The following TADA3 variants were observed in gnomAD, a reference collection of about 807,000 sequenced individuals.
The protein encoded by TADA3 is transcriptional adapter 3.
Under a neutral mutation model 43.2 loss-of-function variants are expected in TADA3, and 25 were observed. The observed-to-expected ratio is 0.58, with a 90% CI of 0.42 to 0.81. The LOEUF is 0.81. Ranked by LOEUF, TADA3 falls within the 30% of genes least tolerant of loss-of-function variation. TADA3 has a pLI of 0.00. For synonymous variants in TADA3, 235 were observed against 225.5 expected, an observed-to-expected ratio of 1.04 and a Z score of -0.38; for missense variants, 441 against 567.8, an observed-to-expected ratio of 0.78 and a Z score of 2.27.
At chr3:9,787,761 AAGAG>A in intron 4 of TADA3, 3 of 1,240,904 alleles carry the variant, frequency 2.4e-6, no homozygotes, top group South Asian at 1.2e-5. Context: ...AGTGAAGTGA[AAGAG>A]AGAGATCAAA....
At chr3:9,792,596 G>A (rs1164517159), upstream of TADA3, 2 of 1,230,052 alleles carry the variant, frequency 1.6e-6, no homozygotes, top group Admixed American at 4.2e-5. Flanking sequence ...GGTGGGGTGC[G>A]GGTGGTCGGC....
chr3:9,791,353 G>T lies in TADA3; in HGVS notation c.114C>A (p.Ile38=). The T allele has an allele frequency of 6.2e-7, 1 of 1,614,210 alleles. No individual in the cohort carries two copies. The highest frequency in any genetic ancestry group is 8.5e-7 in the Non-Finnish European group (1 of 1,180,046). The change falls in exon 2 of 9, where the codon ATC becomes ATA. Residue 38 remains isoleucine, a synonymous_variant. Transcript: ENST00000301964. The stretch of plus-strand genomic sequence containing the variant: ...GCAGGGTGTCCAGCTCCTCGATGCC[G>T]ATGCCATCATCCTCAGAGCGTGCCA... The part of the protein sequence containing the change: ...AVLARSEDDG[I]GIEELDTLQL...
chr3:9,792,766 C>T (rs1559723396), upstream of TADA3: 22 of 1,246,998 alleles, frequency 1.8e-5, no homozygotes, highest in Non-Finnish European at 1.8e-5. Context: ...GGCTCGTCCG[C>T]TTCGGCTTGT....
chr3:9,781,299 A>C (rs765423236), intron 8 of TADA3, among the ~76,000 whole-genome samples: 2 of 152,040 alleles, frequency 1.3e-5, no homozygotes, highest in Non-Finnish European at 2.9e-5. Context: ...ATATATATAC[A>C]TACACACACA....
chr3:9,789,848 C>G lies in TADA3; in HGVS notation c.323G>C (p.Gly108Ala). The G allele has an allele frequency of 6.2e-7, 1 of 1,614,252 alleles. No homozygotes were observed. Among genetic ancestry groups the G allele is most frequent in the Non-Finnish European group, 8.5e-7 (1 of 1,180,044 alleles). ...HGKPKKQKLE[G>A]KAGHGPGPGP... The stretch of plus-strand genomic sequence containing the variant: ...AGGGCCCGGCCCATGTCCTGCCTTC[C>G]CTTCCAGTTTCTGCTTCTTGGGCTT... Residue 108 changes from glycine to alanine, a missense_variant, in exon 3 of 9, where the codon GGG (glycine) becomes GCG (alanine). Transcript: ENST00000301964.
At chr3:9,781,302 CACACACACAA>C (rs1235993216) in intron 8 of TADA3, among the ~76,000 whole-genome samples, 2 of 151,836 alleles carry the variant, frequency 1.3e-5, no homozygotes, top group Admixed American at 6.6e-5. Context: ...TATATACATA[CACACACACAA>C]ACACACACAC....
intron 6 of TADA3, among the ~76,000 whole-genome samples, chr3:9,786,442 A>G (rs1043806904): frequency 2.0e-5 from 3 of 152,190 alleles, no homozygotes; most frequent in African/African-American, 7.2e-5. Flanking sequence ...TAGAAAACTG[A>G]GTCTCAATGA....
rs1264032428 is a variant in TADA3, at chr3:9,779,980, C to A, written c.*377G>T. The A allele has an allele frequency of 6.0e-6, 1 of 166,730 alleles. No individual in the cohort carries two copies. The highest frequency in any genetic ancestry group is 1.3e-5 in the Non-Finnish European group (1 of 77,904). 10.3% of individuals were successfully genotyped at this position (166,730 alleles called of 1,614,324 possible). ...AAGACTGGATGCTTTTTTTGAAAAA[C>A]CACAGCAGTCACTTTATTCTTAAGT... is the stretch of plus-strand genomic sequence containing the variant. On this transcript the variant is annotated 3_prime_UTR_variant, in exon 9 of 9. Coordinates refer to ENST00000301964, the MANE Select transcript of TADA3 (RefSeq NM_006354.5).
At chr3:9,784,291 C>A in intron 7 of TADA3, 78 bp from the exon 8 acceptor site, 2 of 1,514,948 alleles carry the variant, frequency 1.3e-6, no homozygotes, top group Non-Finnish European at 1.8e-6. Context: ...CAGGGCTTCC[C>A]AAGGTCAGTG....
intron 8 of TADA3, chr3:9,781,520 G>A (rs1301693666): frequency 6.6e-6 from 3 of 456,386 alleles, no homozygotes; most frequent in East Asian, 6.9e-5. Flanking sequence ...CAGGTGTTCC[G>A]GTGCCAGCAG....
chr3:9,788,901 T>C (rs1467011365), intron 4 of TADA3, among the ~76,000 whole-genome samples: 2 of 151,326 alleles, frequency 1.3e-5, no homozygotes, highest in South Asian at 2.1e-4. Flanking sequence ...AGTGGCGTGA[T>C]CTCGGCTCAC....
At chr3:9,784,327 C>A in intron 7 of TADA3, 114 bp from the exon 8 acceptor site, 1 of 1,372,184 alleles carries the variant, frequency 7.3e-7, no homozygotes, top group Non-Finnish European at 9.8e-7. Context: ...CTTTGGGCAC[C>A]CCCTCTGTAT....
chr3:9,781,597 G>A, intron 8 of TADA3: 6 of 456,266 alleles, frequency 1.3e-5, no homozygotes, highest in Non-Finnish European at 2.6e-5. Flanking sequence ...GAGGCTGACA[G>A]GAGGTGGGTG....
Position 9,789,507 on chromosome 3 carries a change from A to C in TADA3, c.564+2T>G. On this transcript the variant is annotated splice_donor_variant, in intron 4 of 8. Coordinates refer to ENST00000301964, the MANE Select transcript of TADA3 (RefSeq NM_006354.5). LOFTEE classifies it high-confidence loss of function. Reference sequence around the variant, plus strand: ...ATGTCTATCAAGGCCCAGAGTTTCTACCTTGTAATGCTCAGCCTCATCTTC... The same window carrying C: ...ATGTCTATCAAGGCCCAGAGTTTCTCCCTTGTAATGCTCAGCCTCATCTTC... 6.2e-7 allele frequency: 1 copy of C among 1,613,412 alleles called. No individual in the cohort carries two copies. The highest frequency in any genetic ancestry group is 8.5e-7 in the Non-Finnish European group (1 of 1,179,606).
At chr3:9,781,906 C>G (rs1421384276) in intron 8 of TADA3, among the ~76,000 whole-genome samples, 2 of 137,712 alleles carry the variant, frequency 1.5e-5, no homozygotes, top group Non-Finnish European at 3.0e-5. Flanking sequence ...GTGGCCTGAT[C>G]AAGCTCACTG....
chr3:9,786,884 C>A lies in TADA3; in HGVS notation c.810+122G>T, dbSNP rs917985736. On this transcript the variant is annotated intron_variant, in intron 6 of 8. Transcript: ENST00000301964. Reference sequence around the variant, plus strand: ...TGCTATATATTAGTCCAGGTTTTTACTTTTGCACCAACCTATTTTTGCACC... The same window carrying A: ...TGCTATATATTAGTCCAGGTTTTTAATTTTGCACCAACCTATTTTTGCACC... The A allele has an allele frequency of 2.4e-5, 21 of 881,270 alleles. No individual in the cohort carries two copies. The African/African-American group carries it at 3.2e-4, about 13-fold the overall frequency. The allele number at this position is 881,270 out of a possible 1,614,324, so 54.6% of individuals were successfully genotyped here.
rs1383861577 is a variant in TADA3, at chr3:9,787,052, C to T, written c.764G>A (p.Cys255Tyr). The T allele has an allele frequency of 1.2e-6, 2 of 1,614,138 alleles. No homozygotes were observed. Among genetic ancestry groups the T allele is most frequent in the Non-Finnish European group, 8.5e-7 (1 of 1,180,060 alleles). ...GCGCTGCGTCAGGGCACCAAAGGGG[C>T]ATCCATCTTCCGGCTGTTCATGCTG... Reference protein sequence around the residue: ...EAQHEQPEDGCPFGALTQRLL... With the variant: ...EAQHEQPEDGYPFGALTQRLL... The change falls in exon 6 of 9, where the codon TGC becomes TAC. Residue 255 changes from cysteine to tyrosine, a missense_variant. Cys to Tyr is a radical substitution (Grantham distance 194). Coordinates refer to ENST00000301964, the MANE Select transcript of TADA3 (RefSeq NM_006354.5).
Position 9,789,787 on chromosome 3 carries a change from G to T in TADA3, c.384C>A (p.Pro128=). ...CAGTGAATTCATATTCCTGGATCTT[G>T]GGCTGAAGGTTTTTGGATTTGGGCC... ...PGRPKSKNLQ[P]KIQEYEFTDD... is the part of the protein sequence containing the mutation. Residue 128 remains proline, a synonymous_variant, in exon 3 of 9, where the codon CCC becomes CCA. Transcript: ENST00000301964. The T allele has an allele frequency of 6.2e-7, 1 of 1,614,226 alleles. No individual in the cohort carries two copies. The highest frequency in any genetic ancestry group is 1.1e-5 in the South Asian group (1 of 91,088).
chr3:9,789,894 C>T lies in TADA3; in HGVS notation c.277G>A (p.Gly93Arg). 13 of 1,614,236 alleles carry T rather than the reference C, an allele frequency of 8.1e-6. No individual in the cohort carries two copies. The highest frequency in any genetic ancestry group is 8.5e-6 in the Non-Finnish European group (10 of 1,180,032). The change falls in exon 3 of 9, where the codon GGA becomes AGA. Residue 93 changes from glycine (G) to arginine (R), a missense_variant. Physicochemically the swap from Gly to Arg is moderately radical, Grantham distance 125. Transcript: ENST00000301964. ...FLKLGRDHELGAPPKHGKPKK... is the reference protein window; with the variant it reads ...FLKLGRDHELRAPPKHGKPKK... Reference sequence around the variant, plus strand: ...GGCTTCCCATGTTTGGGGGGAGCTCCAAGTTCATGGTCTCGACCCAGCTTC... The same window carrying T: ...GGCTTCCCATGTTTGGGGGGAGCTCTAAGTTCATGGTCTCGACCCAGCTTC...
Sources: allele counts gnomAD v4.1 joint callset (sites outside exome capture counted in the v4.1 genomes callset), GRCh38; gene constraint gnomAD v4.1.1; transcripts MANE v1.5; gene names NCBI Gene and HGNC (gene_info 2026-07-23, HGNC 2026-07-21).